Variants in FBN2 observed in about 807,000 individuals in gnomAD.
FBN2 encodes the protein fibrillin-2.
FBN2 carries 105 observed loss-of-function variants against 355.6 expected under a neutral mutation model. The observed-to-expected ratio is 0.30, with a 90% CI of 0.25 to 0.35. The LOEUF (loss-of-function observed/expected upper bound fraction) is 0.35. FBN2 is among the 10% of genes least tolerant of loss of function. The probability of loss-of-function intolerance (pLI) is 1.00; values close to 1 mark genes in which losing one functional copy is unlikely to be tolerated. For synonymous variants in FBN2, 1,350 were observed against 1,301.2 expected (o/e 1.04, Z -0.81); for missense variants, 3,280 against 3,758.7 (o/e 0.87, Z 3.33).
chr5:128,532,964 C>T lies in FBN2; in HGVS notation c.338-2271G>A, dbSNP rs528982982. On this transcript the variant is annotated intron_variant, in intron 2 of 64. Coordinates refer to ENST00000262464, the MANE Select transcript of FBN2 (RefSeq NM_001999.4). ...CTGAGGTCAGAATGCAGCTTGAGCC[C>T]GAGAGGTCAAGGCTGCAGTGAGCTG... Among the ~76,000 whole-genome samples, 4 of 152,166 alleles carry T rather than the reference C, an allele frequency of 2.6e-5. No individual in the cohort carries two copies. In the South Asian group the frequency reaches 6.2e-4, roughly 24 times the overall value.
At chr5:128,436,745 C>T (rs979125926) in intron 7 of FBN2, among the ~76,000 whole-genome samples, 5 of 151,272 alleles carry the variant, frequency 3.3e-5, no homozygotes, top group Admixed American at 6.6e-5. Flanking sequence ...CTAATCTGAA[C>T]GATGTGTCCA....
intron 5 of FBN2, among the ~76,000 whole-genome samples, chr5:128,509,652 G>C (rs887716952): frequency 3.7e-5 from 4 of 106,918 alleles, no homozygotes; most frequent in African/African-American, 3.0e-4. Flanking sequence ...CCATGTATTG[G>C]GATTTTTTTT....
At chr5:128,321,223 C>A (rs1022776368) in intron 34 of FBN2, among the ~76,000 whole-genome samples, 4 of 152,150 alleles carry the variant, frequency 2.6e-5, no homozygotes, top group Non-Finnish European at 5.9e-5. Flanking sequence ...ATATTTTTCA[C>A]ATTTCCTCAG....
chr5:128,491,319 C>A (rs544127959), intron 5 of FBN2, among the ~76,000 whole-genome samples: 1 of 152,154 alleles, frequency 6.6e-6, no homozygotes, highest in East Asian at 1.9e-4. Flanking sequence ...TTTTCTGTAA[C>A]GCAATAAGAG....
At chr5:128,285,401 G>T (rs1749120395) in intron 55 of FBN2, among the ~76,000 whole-genome samples, 1 of 152,234 alleles carries the variant, frequency 6.6e-6, no homozygotes, top group Admixed American at 6.5e-5. Context: ...AAAAAATTTT[G>T]CAGACATTTC....
At chr5:128,407,824 C>A (rs1256296299) in intron 8 of FBN2, among the ~76,000 whole-genome samples, 1 of 152,162 alleles carries the variant, frequency 6.6e-6, no homozygotes, top group East Asian at 1.9e-4. Flanking sequence ...ATCATCAAGA[C>A]CTACAGAGAT....
chr5:128,532,650 A>G (rs1248956128), intron 2 of FBN2, among the ~76,000 whole-genome samples: 1 of 152,218 alleles, frequency 6.6e-6, no homozygotes, highest in Non-Finnish European at 1.5e-5. Context: ...AACAATGAAA[A>G]AAGCATTTCC....
At chr5:128,285,552 AG>A (rs1749124872) in intron 55 of FBN2, among the ~76,000 whole-genome samples, 1 of 152,170 alleles carries the variant, frequency 6.6e-6, no homozygotes, top group Non-Finnish European at 1.5e-5. Flanking sequence ...GTAAGTTCAG[AG>A]GATGATAGAA....
intron 6 of FBN2, among the ~76,000 whole-genome samples, chr5:128,449,411 T>TAATAGTATACTGTATAATTATAC (rs1561462735): frequency 1.5e-5 from 2 of 134,496 alleles, no homozygotes; most frequent in Admixed American, 7.3e-5. Flanking sequence ...TATAATTATA[T>TAATAGTATACTGTATAATTATAC]AGTATACTAT....
intron 47 of FBN2, 68 bp from the exon 48 acceptor site, chr5:128,301,004 G>T: frequency 1.4e-6 from 2 of 1,461,390 alleles, no homozygotes; most frequent in African/African-American, 1.4e-5. Context: ...TTATCTGTCT[G>T]CCAAATGATA....
Position 128,334,851 on chromosome 5 carries a change from A to C in FBN2, c.3974-7T>G. On this transcript the variant is annotated splice_region_variant and splice_polypyrimidine_tract_variant and intron_variant, in intron 30 of 64. Coordinates refer to ENST00000262464, the MANE Select transcript of FBN2 (RefSeq NM_001999.4). The stretch of plus-strand genomic sequence containing the variant: ...AGGTCACATTCATTGACATCTAGAA[A>C]ATTTATTTTCAATATCTTAGTATGT... 2 of 1,609,198 alleles carry C rather than the reference A, an allele frequency of 1.2e-6. No individual in the cohort carries two copies.
chr5:128,421,991 T>C (rs1581279335), intron 7 of FBN2, among the ~76,000 whole-genome samples: 1 of 152,152 alleles, frequency 6.6e-6, no homozygotes, highest in Middle Eastern at 3.2e-3. Context: ...GAGTGTCAGA[T>C]TGAGAGACAG....
At chr5:128,308,529 C>T (rs1263950799) in intron 41 of FBN2, among the ~76,000 whole-genome samples, 1 of 152,066 alleles carries the variant, frequency 6.6e-6, no homozygotes, top group Non-Finnish European at 1.5e-5. Flanking sequence ...TCTTATTTGG[C>T]CTACTGGTTC....
Position 128,332,927 on chromosome 5 carries a change from C to G in FBN2, c.4207G>C (p.Gly1403Arg), listed in dbSNP as rs756142055. 1 of 1,613,956 alleles carries G rather than the reference C, an allele frequency of 6.2e-7. No homozygotes were observed. Among genetic ancestry groups the G allele is most frequent in the Non-Finnish European group, 8.5e-7 (1 of 1,179,886 alleles). ...GCAAACTCACCAATACACTTGATGC[C>G]GTTTCCAATCCAGCCTTCTCTGCAG... ...CSCREGWIGNGIKCIDLDECS... is the reference protein window; with the variant it reads ...CSCREGWIGNRIKCIDLDECS... Residue 1403 changes from glycine to arginine, a missense_variant, in exon 32 of 65, where the codon GGC becomes CGC. Gly to Arg is a moderately radical substitution (Grantham distance 125, BLOSUM62 -2). This residue lies in a region of FBN2 where 2,284 missense variants were observed against 2,749.5 expected (regional missense o/e 0.83). Transcript: ENST00000262464.
At chr5:128,278,465 AT>A (rs1337047194) in intron 57 of FBN2, among the ~76,000 whole-genome samples, 169 bp downstream of exon 57, 1 of 152,222 alleles carries the variant, frequency 6.6e-6, no homozygotes, top group African/African-American at 2.4e-5. Context: ...AGCAAAGATT[AT>A]TCTTTCTATA....
chr5:128,366,490 GTCATTTCATAACTCCA>G, intron 16 of FBN2, 60 bp from the exon 17 acceptor site: 1 of 1,020,976 alleles, frequency 9.8e-7, no homozygotes, highest in Non-Finnish European at 1.5e-6. Flanking sequence ...CCATATACAA[GTCATTTCATAACTCCA>G]AAACTACCAT....
intron 31 of FBN2, among the ~76,000 whole-genome samples, chr5:128,334,093 T>C (rs1300708222): frequency 1.3e-5 from 2 of 151,748 alleles, no homozygotes; most frequent in Non-Finnish European, 1.5e-5. Context: ...CCCACCTGCA[T>C]GCAAAAGGCT....
In FBN2 at chr5:128,536,404, A is replaced by G; in HGVS notation, c.335T>C (p.Val112Ala). 1 of 1,613,794 alleles carries G rather than the reference A, an allele frequency of 6.2e-7. No homozygotes were observed. The highest frequency in any genetic ancestry group is 8.5e-7 in the Non-Finnish European group (1 of 1,179,752). The change falls in exon 2 of 65, where the codon GTC becomes GCC. Residue 112 changes from valine to alanine, a missense_variant and splice_region_variant. This residue lies in a region of FBN2 where 130 missense variants were observed against 189.9 expected (regional missense o/e 0.68). Coordinates refer to ENST00000262464, the MANE Select transcript of FBN2 (RefSeq NM_001999.4). ...TGCGATCCCTGCCAAGCACTCACGG[A>G]CAATGCACTGGTTTCCTCCAGGGAG... is the stretch of plus-strand genomic sequence containing the variant. Reference protein sequence around the residue: ...KTLPGGNQCIVPICRNSCGDG... With the variant: ...KTLPGGNQCIAPICRNSCGDG...
rs778265914 is a variant in FBN2, at chr5:128,258,852, C to T, written c.*603G>A. On this transcript the variant is annotated 3_prime_UTR_variant, in exon 65 of 65. Coordinates refer to ENST00000262464, the MANE Select transcript of FBN2 (RefSeq NM_001999.4). ...ATTATTGATTACACTGCCCATTCAG[C>T]TCTGTGTGGCTTTCTTTAAAATCAT... is the stretch of plus-strand genomic sequence containing the variant. The T allele has an allele frequency of 6.5e-6, 1 of 154,178 alleles. No individual in the cohort carries two copies. The highest frequency in any genetic ancestry group is 6.5e-5 in the Admixed American group (1 of 15,496). The allele number at this position is 154,178 out of a possible 1,614,324, so 9.6% of individuals were successfully genotyped here.
Sources: allele counts gnomAD v4.1 joint callset (sites outside exome capture counted in the v4.1 genomes callset), GRCh38; gene constraint gnomAD v4.1.1; regional missense constraint gnomAD v4.1.1; transcripts MANE v1.5; gene names NCBI Gene and HGNC (gene_info 2026-07-23, HGNC 2026-07-21).